The following CTNNA1 variants were observed in gnomAD, a reference collection of about 807,000 sequenced individuals.
The protein encoded by CTNNA1 is catenin alpha-1.
CTNNA1 carries 37 observed loss-of-function variants against 98.4 expected under a neutral mutation model. That is an observed-to-expected ratio of 0.38 (90% CI 0.29 to 0.49). CTNNA1 has a LOEUF of 0.49. CTNNA1 is among the 20% of genes least tolerant of loss of function. The pLI is 0.95. For missense variants in CTNNA1, 761 were observed against 1,147.2 expected (o/e 0.66, Z 4.86); for synonymous variants, 404 against 413.2 (o/e 0.98, Z 0.27).
intron 3 of CTNNA1, among the ~76,000 whole-genome samples, chr5:138,792,145 TC>T (rs1030370079): frequency 6.6e-6 from 1 of 152,198 alleles, no homozygotes; most frequent in Admixed American, 6.5e-5. Flanking sequence ...GATGCCATCT[TC>T]CTTGGTACAG....
intron 1 of CTNNA1, among the ~76,000 whole-genome samples, chr5:138,759,980 C>CT (rs70982734): frequency 0.032 from 1,971 of 61,270 alleles, 284 homozygotes; most frequent in African/African-American, 0.043. Context: ...AATTTCTTTC[C>CT]TTTTTTTTTT....
chr5:138,922,531 C>G (rs1050844562), intron 11 of CTNNA1, among the ~76,000 whole-genome samples: 4 of 152,190 alleles, frequency 2.6e-5, no homozygotes, highest in African/African-American at 7.2e-5. Flanking sequence ...GAATTTTTTT[C>G]TATTAGAAGC....
intron 1 of CTNNA1, among the ~76,000 whole-genome samples, chr5:138,773,288 A>G (rs1753746557): frequency 6.6e-6 from 1 of 152,374 alleles, no homozygotes; most frequent in South Asian, 2.1e-4. Flanking sequence ...AAGCAGGGTA[A>G]TAAGTAATGG....
At chr5:138,926,172 C>T (rs147567358) in intron 13 of CTNNA1, among the ~76,000 whole-genome samples, 348 of 152,316 alleles carry the variant, frequency 2.3e-3, no homozygotes, top group African/African-American at 7.0e-3. Context: ...GTTGCGCCCT[C>T]GAGTCCTGCA....
At chr5:138,913,316 G>T (rs78320107) in intron 10 of CTNNA1, among the ~76,000 whole-genome samples, 4,456 of 151,888 alleles carry the variant, frequency 0.029, 214 homozygotes, top group African/African-American at 0.1. Flanking sequence ...AGTTTTTTCA[G>T]GCCAGGTGCT....
In CTNNA1 at chr5:138,934,247, T is replaced by A; in HGVS notation, c.*158T>A. ...GGTGGTGAATTTTCCAAGAACATAG[T>A]TTAAGTTGATTAAAAATGCTTTTAG... On this transcript the variant is annotated 3_prime_UTR_variant, in exon 18 of 18. Coordinates refer to ENST00000302763, the MANE Select transcript of CTNNA1 (RefSeq NM_001903.5). 3.4e-6 allele frequency: 2 copies of A among 589,898 alleles called. No homozygotes were observed. The highest frequency in any genetic ancestry group is 5.9e-6 in the Non-Finnish European group (2 of 339,282). 36.5% of individuals were successfully genotyped at this position (589,898 alleles called of 1,614,324 possible). A position where few individuals can be genotyped will look rare whatever the true frequency, so the allele number is the denominator to read the frequency against.
rs70982738 is a variant in CTNNA1 at position 138,892,328 on chromosome 5, G to GTTTTTTTTTT, written c.1296+4706_1296+4715dup. Among the ~76,000 whole-genome samples, 11 of 79,250 alleles carry GTTTTTTTTTT rather than the reference G, an allele frequency of 1.4e-4. 1 individual carries two copies. Among genetic ancestry groups the GTTTTTTTTTT allele is most frequent in the East Asian group, 6.4e-4 (1 of 1,554 alleles). The allele number at this position is 79,250 out of a possible 152,430, so 52.0% of individuals were successfully genotyped here. On this transcript the variant is annotated intron_variant, in intron 9 of 17. Transcript: ENST00000302763. ...TGGAAAAAGAATATAAAATAGCTTA[G>GTTTTTTTTTT]TTTTTTTTTTTTTTTTTTTTTTTTT...
At chr5:138,809,201 C>G (rs1758416260) in intron 3 of CTNNA1, among the ~76,000 whole-genome samples, 1 of 152,058 alleles carries the variant, frequency 6.6e-6, no homozygotes, top group African/African-American at 2.4e-5. Flanking sequence ...TTCCTATAAG[C>G]TATAGTAAAA....
chr5:138,776,992 G>C (rs562978658), intron 1 of CTNNA1, among the ~76,000 whole-genome samples: 1 of 68,234 alleles, frequency 1.5e-5, no homozygotes, highest in Non-Finnish European at 3.3e-5. Flanking sequence ...CTGGCCTGGC[G>C]GGGGCTGACC....
intron 7 of CTNNA1, among the ~76,000 whole-genome samples, chr5:138,862,199 A>G (rs952457969): frequency 5.3e-5 from 8 of 152,298 alleles, no homozygotes; most frequent in African/African-American, 1.9e-4. Flanking sequence ...TCCTGCGTGC[A>G]TTGAACTAAT....
chr5:138,912,865 TTGG>T (rs2150198482), intron 10 of CTNNA1, among the ~76,000 whole-genome samples: 1 of 152,358 alleles, frequency 6.6e-6, no homozygotes, highest in African/African-American at 2.4e-5. Flanking sequence ...TACTGCTGTT[TTGG>T]TGTTTTCCTT....
chr5:138,904,233 C>T lies in CTNNA1; in HGVS notation c.1297-116C>T, dbSNP rs998384141. On this transcript the variant is annotated intron_variant, in intron 9 of 17. Coordinates refer to ENST00000302763, the MANE Select transcript of CTNNA1 (RefSeq NM_001903.5). ...AATAATCAGGCTGTGAGAAGGGAGGCACCCTTGGTGCCCTTGTCATCTGTT... is the reference window on the plus strand; with the variant it reads ...AATAATCAGGCTGTGAGAAGGGAGGTACCCTTGGTGCCCTTGTCATCTGTT... 6.2e-6 allele frequency: 8 copies of T among 1,282,634 alleles called. No homozygotes were observed. In the South Asian group the frequency reaches 1.1e-4, roughly 17 times the overall value. 79.5% of individuals were successfully genotyped at this position (1,282,634 alleles called of 1,614,324 possible).
intron 11 of CTNNA1, among the ~76,000 whole-genome samples, chr5:138,919,845 T>G (rs1248565876): frequency 6.6e-6 from 1 of 152,200 alleles, no homozygotes; most frequent in Non-Finnish European, 1.5e-5. Context: ...TCCTCTGATT[T>G]ATGTAATATG....
intron 7 of CTNNA1, among the ~76,000 whole-genome samples, chr5:138,878,074 G>A (rs1475182107): frequency 1.3e-5 from 2 of 152,154 alleles, no homozygotes; most frequent in Admixed American, 6.5e-5. Context: ...TATTATAACA[G>A]ATTTGTGGGC....
At position 138,812,304 on chromosome 5, in the gene CTNNA1, TAC is replaced by T. The variant is rs147724289; in HGVS notation, c.588+4_588+5del. On this transcript the variant is annotated splice_donor_region_variant and intron_variant, in intron 5 of 17. Coordinates refer to ENST00000302763, the MANE Select transcript of CTNNA1 (RefSeq NM_001903.5). ...ATTATGGCAGCCAAAAGACAACAGGTACAGTCATGATTTGGGGATATATTAAA... is the reference window on the plus strand; with the variant it reads ...ATTATGGCAGCCAAAAGACAACAGGTAGTCATGATTTGGGGATATATTAAA... 821 of 1,611,372 alleles carry T rather than the reference TAC, an allele frequency of 5.1e-4. 4 individuals carry two copies. The African/African-American group carries it at 9.2e-3, about 18-fold the overall frequency.
chr5:138,776,039 C>CCT (rs1754100051), intron 1 of CTNNA1, among the ~76,000 whole-genome samples: 1 of 83,886 alleles, frequency 1.2e-5, no homozygotes, highest in Non-Finnish European at 2.1e-5. Context: ...GGAAATGTTT[C>CCT]TTTTTTTTTT....
intron 10 of CTNNA1, among the ~76,000 whole-genome samples, chr5:138,905,183 AGGAGGCTATGGTG>A (rs1758969338): frequency 1.3e-5 from 2 of 151,844 alleles, no homozygotes; most frequent in Non-Finnish European, 1.5e-5. Flanking sequence ...CCAGCCACTC[AGGAGGCTATGGTG>A]GGAGGCTGGC....
chr5:138,756,619 A>G (rs1314275602), intron 1 of CTNNA1, among the ~76,000 whole-genome samples: 1 of 152,148 alleles, frequency 6.6e-6, no homozygotes, highest in African/African-American at 2.4e-5. Context: ...GTGTTTAGAG[A>G]CTTGAGAGAA....
chr5:138,864,133 T>A (rs1764529453), intron 7 of CTNNA1, among the ~76,000 whole-genome samples: 1 of 152,178 alleles, frequency 6.6e-6, no homozygotes, highest in Non-Finnish European at 1.5e-5. Context: ...ACTTTTTGTA[T>A]TTTTAGTAGA....
Sources: gnomAD v4.1 joint callset for allele counts (sites outside exome capture counted in the v4.1 genomes callset) on GRCh38, gnomAD v4.1.1 for gene constraint, MANE v1.5 for transcripts, NCBI Gene and HGNC (gene_info 2026-07-23, HGNC 2026-07-21) for gene names.